DDX54: variants seen among roughly 807,000 people sequenced by gnomAD.
DDX54 encodes the protein DEAD-box helicase 54.
A neutral mutation model predicts 105.5 loss-of-function variants in DDX54; 67 were observed. The observed-to-expected ratio is 0.64, with a 90% CI of 0.52 to 0.78. The LOEUF (loss-of-function observed/expected upper bound fraction) is 0.78, where lower values mean the gene tolerates loss of function less well. Among genes scored for constraint, DDX54 ranks in the 30% least tolerant of loss-of-function variants. The pLI is 0.00. For synonymous variants in DDX54, 514 were observed against 509.9 expected (o/e 1.01, Z -0.11); for missense variants, 1,206 against 1,230.5 (o/e 0.98, Z 0.30).
At chr12:113,175,227 C>A (rs2136322921) in intron 7 of DDX54, 70 bp from the exon 8 acceptor site, 2 of 1,518,078 alleles carry the variant, frequency 1.3e-6, no homozygotes, top group East Asian at 4.6e-5. Flanking sequence ...CGCAGCCATC[C>A]TTGTCCCCAC....
intron 5 of DDX54, among the ~76,000 whole-genome samples, chr12:113,178,254 A>G (rs1241549967): frequency 6.6e-6 from 1 of 152,162 alleles, no homozygotes; most frequent in African/African-American, 2.4e-5. Context: ...ACAAACAAAA[A>G]ACAAAAACAA....
intron 12 of DDX54, among the ~76,000 whole-genome samples, chr12:113,169,323 TA>T (rs1952308449): frequency 6.7e-6 from 1 of 150,018 alleles, no homozygotes; most frequent in Non-Finnish European, 1.5e-5. Context: ...CCCGTCTCGT[TA>T]AAAAATAGAA....
At chr12:113,182,825 C>T (rs140087581) in intron 1 of DDX54, among the ~76,000 whole-genome samples, 3 of 151,562 alleles carry the variant, frequency 2.0e-5, no homozygotes, top group Non-Finnish European at 2.9e-5. Flanking sequence ...CCAAAGTGCT[C>T]GGATTACAGG....
Position 113,162,849 on chromosome 12 carries a change from C to T in DDX54, c.2195+83G>A, listed in dbSNP as rs58194620. 25,334 of 1,366,146 alleles carry T rather than the reference C, an allele frequency of 0.019. 1,705 individuals carry two copies. In the East Asian group the frequency reaches 0.22, roughly 12 times the overall value. 84.6% of individuals were successfully genotyped at this position (1,366,146 alleles called of 1,614,324 possible). On this transcript the variant is annotated intron_variant, in intron 17 of 19. Coordinates refer to ENST00000306014, the MANE Select transcript of DDX54 (RefSeq NM_024072.4). ...GGCATGGAGGGAGGGGCGGCTCACT[C>T]GATCACTCACCCCAGGCACGGAGGA... is the stretch of plus-strand genomic sequence containing the variant.
chr12:113,157,555 A>AC lies in DDX54; in HGVS notation c.*1321dup. 1 of 1,510,964 alleles carries AC rather than the reference A, an allele frequency of 6.6e-7. No homozygotes were observed. Among genetic ancestry groups the AC allele is most frequent in the Non-Finnish European group, 9.0e-7 (1 of 1,110,336 alleles). The allele number at this position is 1,510,964 out of a possible 1,614,324, so 93.6% of individuals were successfully genotyped here. A position where few individuals can be genotyped will look rare whatever the true frequency, so the allele number is the denominator to read the frequency against. On this transcript the variant is annotated 3_prime_UTR_variant, in exon 20 of 20. Coordinates refer to ENST00000306014, the MANE Select transcript of DDX54 (RefSeq NM_024072.4). ...CCGCGTGTTGAGGGGTGGGGGCTGG[A>AC]CAGTGACTCTGGGGCTGGGATGTGA...
Position 113,184,726 on chromosome 12 carries a change from TGAC to T in DDX54, c.174+549_174+551del, listed in dbSNP as rs541150006. On this transcript the variant is annotated intron_variant, in intron 1 of 19. Coordinates refer to ENST00000306014, the MANE Select transcript of DDX54 (RefSeq NM_024072.4). The stretch of plus-strand genomic sequence containing the variant: ...CTGTGGTCTCAGCTACCGGAGAGGC[TGAC>T]GTGGGAGGATCGCTTGAGCCCAGGA... Among the ~76,000 whole-genome samples, 7 of 152,244 alleles carry T rather than the reference TGAC, an allele frequency of 4.6e-5. No homozygotes were observed. The South Asian group carries it at 1.5e-3, about 32-fold the overall frequency.
At chr12:113,176,513 G>A (rs150302712) in intron 7 of DDX54, among the ~76,000 whole-genome samples, 1 of 152,274 alleles carries the variant, frequency 6.6e-6, no homozygotes, top group East Asian at 1.9e-4. Context: ...GTTGAAATGA[G>A]CCAAGATCAT....
chr12:113,180,874 G>A, intron 2 of DDX54, 55 bp downstream of exon 2: 1 of 1,608,868 alleles, frequency 6.2e-7, no homozygotes, highest in Admixed American at 1.7e-5. Flanking sequence ...TGCAGAGGCG[G>A]GGTTGACCTC....
chr12:113,163,694 G>A lies in DDX54; in HGVS notation c.1938+373C>T, dbSNP rs1402267706. On this transcript the variant is annotated intron_variant, in intron 15 of 19. Coordinates refer to ENST00000306014, the MANE Select transcript of DDX54 (RefSeq NM_024072.4). The surrounding 1 kb of genome is among the most constrained non-coding windows in gnomAD (Gnocchi z 5.9). ...AACCCTCTGTCCAAACAAAACATGA[G>A]AGAGGGACATCCTGGGGGACGCACA... 1.3e-5 allele frequency among the ~76,000 whole-genome samples: 2 copies of A among 152,100 alleles called. No homozygotes were observed. The highest frequency in any genetic ancestry group is 6.6e-5 in the Admixed American group (1 of 15,262).
chr12:113,176,002 C>A (rs893445931), intron 7 of DDX54, among the ~76,000 whole-genome samples: 2 of 151,792 alleles, frequency 1.3e-5, no homozygotes, highest in Admixed American at 6.6e-5. Flanking sequence ...CCACATCCCC[C>A]TCCCCACTTC....
Position 113,179,219 on chromosome 12 carries a change from G to A in DDX54, c.488C>T (p.Ala163Val), listed in dbSNP as rs1365995260. The A allele has an allele frequency of 1.9e-6, 3 of 1,614,142 alleles. No individual in the cohort carries two copies. The highest frequency in any genetic ancestry group is 3.3e-5 in the Admixed American group (2 of 60,016). ...PMFERLKTHSAQTGARALILS... is the reference protein window; with the variant it reads ...PMFERLKTHSVQTGARALILS... The stretch of plus-strand genomic sequence containing the variant: ...GATGAGGGCGCGGGCCCCGGTCTGG[G>A]CACTGTGGGTCTTGAGCCGCTCGAA... Residue 163 changes from alanine to valine, a missense_variant, in exon 4 of 20, where the codon GCC (alanine) becomes GTC (valine). Coordinates refer to ENST00000306014, the MANE Select transcript of DDX54 (RefSeq NM_024072.4).
chr12:113,174,570 A>C, intron 10 of DDX54, 70 bp downstream of exon 10: 2 of 1,569,964 alleles, frequency 1.3e-6, no homozygotes, highest in Non-Finnish European at 1.7e-6. Flanking sequence ...CCCTCTAGTG[A>C]CTGCACAGGG....
Position 113,163,370 on chromosome 12 carries a change from C to T in DDX54, c.1939-96G>A. On this transcript the variant is annotated intron_variant, in intron 15 of 19. Coordinates refer to ENST00000306014, the MANE Select transcript of DDX54 (RefSeq NM_024072.4). This position sits in a 1 kb window ranked among gnomAD's most constrained non-coding sequence, Gnocchi z 5.9. ...CCACCAGCCTGGCCACAGTGAGGGG[C>T]CAGTGGCTTCTCGGGGACTTTCAAA... 6.7e-7 allele frequency: 1 copy of T among 1,497,628 alleles called. No homozygotes were observed. The highest frequency in any genetic ancestry group is 2.2e-5 in the Admixed American group (1 of 45,124). 92.8% of individuals were successfully genotyped at this position (1,497,628 alleles called of 1,614,324 possible). A position where few individuals can be genotyped will look rare whatever the true frequency, so the allele number is the denominator to read the frequency against.
chr12:113,171,529 G>A (rs927637556), intron 11 of DDX54, among the ~76,000 whole-genome samples: 4 of 150,352 alleles, frequency 2.7e-5, no homozygotes, highest in African/African-American at 9.8e-5. Context: ...GCTAGAACCT[G>A]GGAGGTGAAG....
At chr12:113,164,336 C>G in intron 14 of DDX54, 51 bp from the exon 15 acceptor site, 1 of 1,509,606 alleles carries the variant, frequency 6.6e-7, no homozygotes. Context: ...ACTCCTAACC[C>G]CACCCTTACC....
Position 113,179,333 on chromosome 12 carries a change from T to A in DDX54, c.376-2A>T, listed in dbSNP as rs760830493. ...GCCATCCAAGATCACCGGGATGGTCTGGAGAGGCACAAGCAGGGAAGTCAA... is the reference window on the plus strand; with the variant it reads ...GCCATCCAAGATCACCGGGATGGTCAGGAGAGGCACAAGCAGGGAAGTCAA... On this transcript the variant is annotated splice_acceptor_variant, in intron 3 of 19. Transcript: ENST00000306014. LOFTEE classifies it high-confidence loss of function. 6.2e-7 allele frequency: 1 copy of A among 1,612,336 alleles called. No homozygotes were observed. Among genetic ancestry groups the A allele is most frequent in the South Asian group, 1.1e-5 (1 of 91,060 alleles).
At chr12:113,175,632 CA>C (rs1364099898) in intron 7 of DDX54, among the ~76,000 whole-genome samples, 1 of 151,940 alleles carries the variant, frequency 6.6e-6, no homozygotes, top group Non-Finnish European at 1.5e-5. Context: ...ATTAAAAATA[CA>C]AAAAAATTAG....
At chr12:113,165,760 G>C (rs776838944) in intron 13 of DDX54, 42 bp downstream of exon 13, 1 of 1,604,780 alleles carries the variant, frequency 6.2e-7, no homozygotes, top group Admixed American at 1.7e-5. Flanking sequence ...GGTGGGGTCA[G>C]CAAGGCCCAC....
chr12:113,159,424 A>T (rs1952178280), intron 19 of DDX54: 3 of 430,988 alleles, frequency 7.0e-6, no homozygotes, highest in Admixed American at 8.6e-5. Context: ...ATGGGTGAAG[A>T]GTAAATGCAT....
Sources: gnomAD v4.1 joint callset for allele counts (sites outside exome capture counted in the v4.1 genomes callset) on GRCh38, gnomAD v4.1.1 for gene constraint, Gnocchi (gnomAD v3.1) non-coding constraint, MANE v1.5 for transcripts, NCBI Gene and HGNC (gene_info 2026-07-23, HGNC 2026-07-21) for gene names.